GRID2: variants seen among roughly 807,000 people sequenced by gnomAD.
GRID2 encodes the protein glutamate ionotropic receptor delta type subunit 2.
A neutral mutation model predicts 114.8 loss-of-function variants in GRID2; 33 were observed. The observed-to-expected ratio is 0.29, with a 90% CI of 0.22 to 0.38. The LOEUF (loss-of-function observed/expected upper bound fraction) is 0.38, where lower values mean the gene tolerates loss of function less well. GRID2 is among the 10% of genes least tolerant of loss of function. The pLI is 1.00. For synonymous variants in GRID2, 505 were observed against 449.9 expected (o/e 1.12, Z -1.55); for missense variants, 1,184 against 1,257.7 (o/e 0.94, Z 0.89).
At chr4:92,615,580 G>A (rs1394024736) in intron 2 of GRID2, among the ~76,000 whole-genome samples, 1 of 151,496 alleles carries the variant, frequency 6.6e-6, no homozygotes, top group Non-Finnish European at 1.5e-5. Context: ...CAAAATTTAT[G>A]CCATTTACTA....
At chr4:93,433,873 G>T (rs1288918634) in intron 10 of GRID2, among the ~76,000 whole-genome samples, 1 of 152,090 alleles carries the variant, frequency 6.6e-6, no homozygotes, top group Non-Finnish European at 1.5e-5. Flanking sequence ...CCCTCGTCAT[G>T]TTCAGTTGTT....
chr4:93,608,296 C>CTTTTTTTTTTTTTTTTTTTTT (rs774334616), intron 13 of GRID2, among the ~76,000 whole-genome samples: 1 of 117,010 alleles, frequency 8.5e-6, no homozygotes, highest in Non-Finnish European at 1.7e-5. Context: ...ATTTTTTTTT[C>CTTTTTTTTTTTTTTTTTTTTT]TTTTTTTTTT....
chr4:92,475,095 T>C (rs932065267), intron 1 of GRID2, among the ~76,000 whole-genome samples: 5 of 148,048 alleles, frequency 3.4e-5, no homozygotes, highest in African/African-American at 1.2e-4. Flanking sequence ...ATTGTGCATA[T>C]GTACCCTAAA....
At chr4:93,361,674 T>C (rs1275977407) in intron 8 of GRID2, among the ~76,000 whole-genome samples, 3 of 152,054 alleles carry the variant, frequency 2.0e-5, no homozygotes, top group Non-Finnish European at 4.4e-5. Context: ...AGTTCAGTGA[T>C]TAATTTATGT....
At chr4:93,217,933 T>G (rs1053324016) in intron 6 of GRID2, among the ~76,000 whole-genome samples, 1 of 152,060 alleles carries the variant, frequency 6.6e-6, no homozygotes, top group Non-Finnish European at 1.5e-5. Context: ...ATTTTAGTAC[T>G]TAGAGATTTT....
At chr4:93,028,367 C>T (rs1724074927) in intron 2 of GRID2, among the ~76,000 whole-genome samples, 1 of 151,934 alleles carries the variant, frequency 6.6e-6, no homozygotes, top group Non-Finnish European at 1.5e-5. Context: ...CAGTAGGGTG[C>T]TAGGTGTATC....
At position 93,594,206 on chromosome 4, in the gene GRID2, G is replaced by A. The variant is rs1255849924; in HGVS notation, c.2194-32063G>A. 4.7e-3 allele frequency among the ~76,000 whole-genome samples: 584 copies of A among 125,200 alleles called. 4 individuals carry two copies. Among genetic ancestry groups the A allele is most frequent in the African/African-American group, 0.018 (541 of 30,668 alleles). The allele number at this position is 125,200 out of a possible 152,430, so 82.1% of individuals were successfully genotyped here. ...TGGTTTTATCTACTTTTGGTCTTTG[G>A]TATGGTGATGTACAGATGGGTTTTT... On this transcript the variant is annotated intron_variant, in intron 13 of 15. Transcript: ENST00000282020.
intron 14 of GRID2, among the ~76,000 whole-genome samples, chr4:93,713,075 G>T (rs182943194): frequency 5.4e-4 from 82 of 151,982 alleles, no homozygotes; most frequent in African/African-American, 1.9e-3. Flanking sequence ...TTACCTTTTG[G>T]GTTCTTGAAA....
intron 1 of GRID2, among the ~76,000 whole-genome samples, chr4:92,522,051 A>C (rs2149140693): frequency 6.6e-6 from 1 of 152,018 alleles, no homozygotes; most frequent in East Asian, 2.0e-4. Context: ...TGAATAAGAT[A>C]AAGATAATCC....
At chr4:93,768,331 G>T (rs1050743770) in intron 14 of GRID2, among the ~76,000 whole-genome samples, 1 of 152,186 alleles carries the variant, frequency 6.6e-6, no homozygotes, top group Admixed American at 6.5e-5. Context: ...TGTGAAAAAG[G>T]GCATAGCTGG....
chr4:92,895,664 A>G (rs1747114954), intron 2 of GRID2, among the ~76,000 whole-genome samples: 1 of 152,072 alleles, frequency 6.6e-6, no homozygotes, highest in Non-Finnish European at 1.5e-5. Flanking sequence ...TATTGAGTTG[A>G]AAGTTCTACT....
At chr4:92,460,284 C>A (rs1721434463) in intron 1 of GRID2, among the ~76,000 whole-genome samples, 2 of 151,552 alleles carry the variant, frequency 1.3e-5, no homozygotes, top group South Asian at 4.2e-4. Flanking sequence ...CTTCCAGAGA[C>A]AAGAAGCACT....
chr4:92,803,583 TATA>T (rs1193044412), intron 2 of GRID2, among the ~76,000 whole-genome samples: 1 of 152,008 alleles, frequency 6.6e-6, no homozygotes, highest in Non-Finnish European at 1.5e-5. Context: ...TATCTCCTCA[TATA>T]ATAACTTTTT....
chr4:93,424,683 G>C (rs1332870581), intron 10 of GRID2, among the ~76,000 whole-genome samples: 2 of 152,040 alleles, frequency 1.3e-5, no homozygotes, highest in Non-Finnish European at 2.9e-5. Flanking sequence ...CATTTATTGT[G>C]CTGAGAGTTC....
intron 2 of GRID2, among the ~76,000 whole-genome samples, chr4:92,608,483 G>A (rs368704469): frequency 6.6e-6 from 1 of 151,946 alleles, no homozygotes; most frequent in Middle Eastern, 3.4e-3. Context: ...TGGAGTAATT[G>A]CTTTTCACAT....
intron 1 of GRID2, among the ~76,000 whole-genome samples, chr4:93,783,956 C>CAGCT (rs1734535430): frequency 1.3e-5 from 2 of 148,960 alleles, no homozygotes; most frequent in Non-Finnish European, 1.5e-5. Context: ...CCTGTAGTCC[C>CAGCT]AGCTACTTGG....
rs186786883 is a variant in GRID2 at position 92,633,669 on chromosome 4, T to A, written c.244+43383T>A. Among the ~76,000 whole-genome samples, 38 of 152,246 alleles carry A rather than the reference T, an allele frequency of 2.5e-4. No homozygotes were observed. The East Asian group carries it at 6.8e-3, about 27-fold the overall frequency. ...GTTTTGAAGAGATTGAATAATGATT[T>A]TGGGGTACAGCTTGTGTCTAAATGT... On this transcript the variant is annotated intron_variant, in intron 2 of 15. Transcript: ENST00000282020.
intron 15 of GRID2, among the ~76,000 whole-genome samples, chr4:93,770,607 T>C (rs891223437): frequency 2.6e-5 from 4 of 152,252 alleles, no homozygotes; most frequent in Non-Finnish European, 4.4e-5. Context: ...ATTCTAAATA[T>C]GTGAAGAATG....
chr4:93,702,614 C>T (rs902054480), intron 14 of GRID2, among the ~76,000 whole-genome samples: 5 of 152,062 alleles, frequency 3.3e-5, no homozygotes, highest in Non-Finnish European at 4.4e-5. Context: ...ATTGGAAACA[C>T]GGAATTTATG....
Sources: allele counts gnomAD v4.1 joint callset (sites outside exome capture counted in the v4.1 genomes callset), GRCh38; gene constraint gnomAD v4.1.1; transcripts MANE v1.5; gene names NCBI Gene and HGNC (gene_info 2026-07-23, HGNC 2026-07-21).